Variants in GRID2 observed in about 807,000 individuals in gnomAD.
GRID2 encodes the protein glutamate ionotropic receptor delta type subunit 2.
GRID2 carries 33 observed loss-of-function variants against 114.8 expected under a neutral mutation model. That is an observed-to-expected ratio of 0.29 (90% CI 0.22 to 0.38). The LOEUF is 0.38. GRID2 is among the 10% of genes least tolerant of loss of function. The pLI is 1.00. For missense variants in GRID2, 1,184 were observed against 1,257.7 expected (o/e 0.94, Z 0.89); for synonymous variants, 505 against 449.9 (o/e 1.12, Z -1.55).
chr4:92,919,701 A>T (rs1262324336), intron 2 of GRID2, among the ~76,000 whole-genome samples: 5 of 152,272 alleles, frequency 3.3e-5, no homozygotes, highest in African/African-American at 1.2e-4. Context: ...GTTTGATTGC[A>T]CTGTGGTCTG....
At chr4:93,292,198 G>A (rs59523517) in intron 8 of GRID2, among the ~76,000 whole-genome samples, 7,626 of 152,216 alleles carry the variant, frequency 0.05, 634 homozygotes, top group African/African-American at 0.17. Flanking sequence ...GTAAAAATTT[G>A]TAGAGGAATA....
intron 8 of GRID2, among the ~76,000 whole-genome samples, chr4:93,385,866 C>T (rs867928527): frequency 3.3e-5 from 5 of 152,028 alleles, no homozygotes; most frequent in African/African-American, 1.2e-4. Flanking sequence ...TCTAACCACC[C>T]ATCCTAATGT....
At chr4:92,613,449 T>G (rs1249502016) in intron 2 of GRID2, among the ~76,000 whole-genome samples, 1 of 151,530 alleles carries the variant, frequency 6.6e-6, no homozygotes, top group African/African-American at 2.4e-5. Context: ...TTGGGAAGTC[T>G]GCCTTTCCCT....
At chr4:92,891,850 A>G (rs528126705) in intron 2 of GRID2, among the ~76,000 whole-genome samples, 1 of 152,120 alleles carries the variant, frequency 6.6e-6, no homozygotes, top group Non-Finnish European at 1.5e-5. Flanking sequence ...GTAATGCATA[A>G]ATGGCCATTA....
At chr4:92,932,354 A>G (rs1750307143) in intron 2 of GRID2, among the ~76,000 whole-genome samples, 1 of 151,280 alleles carries the variant, frequency 6.6e-6, no homozygotes, top group African/African-American at 2.4e-5. Context: ...CACAACTACA[A>G]TGGCTTTTAG....
At chr4:93,143,714 A>G (rs984500675) in intron 4 of GRID2, among the ~76,000 whole-genome samples, 4 of 152,186 alleles carry the variant, frequency 2.6e-5, no homozygotes, top group African/African-American at 7.2e-5. Context: ...TAAGACTTGA[A>G]ACAAGTATGA....
chr4:92,462,906 C>T (rs1721566037), intron 1 of GRID2, among the ~76,000 whole-genome samples: 2 of 151,938 alleles, frequency 1.3e-5, no homozygotes, highest in Non-Finnish European at 2.9e-5. Flanking sequence ...TGCTTTCTTA[C>T]TATGAAAGAC....
chr4:92,378,141 T>G (rs1729442918), intron 1 of GRID2, among the ~76,000 whole-genome samples: 1 of 151,962 alleles, frequency 6.6e-6, no homozygotes, highest in African/African-American at 2.4e-5. Flanking sequence ...GGAGAGATGT[T>G]GTATGACTTT....
intron 8 of GRID2, among the ~76,000 whole-genome samples, chr4:93,331,842 T>C (rs1758499001): frequency 6.6e-6 from 1 of 152,084 alleles, no homozygotes; most frequent in African/African-American, 2.4e-5. Flanking sequence ...TAGGTAATAG[T>C]TGTAAAGAGA....
At chr4:92,685,273 T>G (rs1733844751) in intron 2 of GRID2, among the ~76,000 whole-genome samples, 1 of 152,082 alleles carries the variant, frequency 6.6e-6, no homozygotes, top group Non-Finnish European at 1.5e-5. Context: ...AAATCAGTTG[T>G]AAAGATGCAT....
intron 2 of GRID2, chr4:92,884,521 T>C (rs1044060425): frequency 6.5e-6 from 1 of 154,098 alleles, no homozygotes; most frequent in Non-Finnish European, 1.4e-5. Context: ...CATGCCTTCC[T>C]CTTGAGGCTT....
chr4:92,662,257 T>C (rs1732556962), intron 2 of GRID2, among the ~76,000 whole-genome samples: 2 of 150,988 alleles, frequency 1.3e-5, no homozygotes, highest in Admixed American at 1.3e-4. Flanking sequence ...AATTGAATCT[T>C]ATACATTGCT....
At chr4:93,293,252 C>T (rs1428356862) in intron 8 of GRID2, among the ~76,000 whole-genome samples, 1 of 152,164 alleles carries the variant, frequency 6.6e-6, no homozygotes, top group African/African-American at 2.4e-5. Flanking sequence ...CTGGTGTTCT[C>T]CACCAGTCAC....
chr4:92,780,269 G>A (rs1000244039), intron 2 of GRID2, among the ~76,000 whole-genome samples: 3 of 152,094 alleles, frequency 2.0e-5, no homozygotes, highest in African/African-American at 7.2e-5. Flanking sequence ...TTGTTGTTGA[G>A]TTGTTTTGTT....
chr4:92,952,983 C>G (rs546226804), intron 2 of GRID2, among the ~76,000 whole-genome samples: 10 of 152,058 alleles, frequency 6.6e-5, no homozygotes, highest in Middle Eastern at 3.4e-3. Context: ...TGGTCATCAA[C>G]TGGCATTTTT....
chr4:93,221,884 GC>G (rs1173914640), intron 6 of GRID2, among the ~76,000 whole-genome samples: 1 of 152,130 alleles, frequency 6.6e-6, no homozygotes, highest in African/African-American at 2.4e-5. Context: ...CAGGTACGAA[GC>G]ACTCACCTTT....
intron 1 of GRID2, among the ~76,000 whole-genome samples, chr4:92,507,952 T>C (rs1270089841): frequency 1.3e-5 from 2 of 152,002 alleles, no homozygotes; most frequent in East Asian, 1.9e-4. Context: ...TACTGCATTG[T>C]AAATTCCTTC....
intron 2 of GRID2, among the ~76,000 whole-genome samples, chr4:92,602,017 T>TA (rs1023520297): frequency 1.3e-5 from 2 of 151,810 alleles, no homozygotes; most frequent in African/African-American, 4.8e-5. Context: ...GAGGCAGTCA[T>TA]AAATAGCCTC....
intron 2 of GRID2, among the ~76,000 whole-genome samples, chr4:92,746,948 T>C (rs916474478): frequency 6.6e-6 from 1 of 152,136 alleles, no homozygotes; most frequent in Non-Finnish European, 1.5e-5. Flanking sequence ...GCAGATGCAT[T>C]ATTTCTAACA....
Sources: gnomAD v4.1 joint callset for allele counts (sites outside exome capture counted in the v4.1 genomes callset) on GRCh38, gnomAD v4.1.1 for gene constraint, MANE v1.5 for transcripts, NCBI Gene and HGNC (gene_info 2026-07-23, HGNC 2026-07-21) for gene names.